The following ROR1 variants were observed in gnomAD, a reference collection of about 807,000 sequenced individuals.
The protein encoded by ROR1 is inactive tyrosine-protein kinase transmembrane receptor ROR1.
Under a neutral mutation model 78.8 loss-of-function variants are expected in ROR1, and 19 were observed. The observed-to-expected ratio is 0.24, with a 90% confidence interval of 0.17 to 0.35. ROR1 has a LOEUF of 0.35. ROR1 is among the 10% of genes least tolerant of loss of function. The probability of loss-of-function intolerance (pLI) is 1.00; values close to 1 mark genes in which losing one functional copy is unlikely to be tolerated. For synonymous variants in ROR1, 386 were observed against 433.6 expected (o/e 0.89, Z 1.36); for missense variants, 917 against 1,177.8 (o/e 0.78, Z 3.24).
chr1:64,024,308 C>T (rs981845342), intron 2 of ROR1, among the ~76,000 whole-genome samples: 3 of 151,962 alleles, frequency 2.0e-5, no homozygotes, highest in Non-Finnish European at 4.4e-5. Flanking sequence ...TGGTGAAACC[C>T]TGTCTGTACT....
At chr1:64,010,112 C>A (rs779118136) in intron 2 of ROR1, among the ~76,000 whole-genome samples, 13 of 152,134 alleles carry the variant, frequency 8.5e-5, no homozygotes, top group Non-Finnish European at 1.8e-4. Flanking sequence ...ATTGCCTTCT[C>A]TTCTTTGCCA....
At chr1:63,888,972 CT>C (rs1645375967) in intron 1 of ROR1, among the ~76,000 whole-genome samples, 1 of 152,132 alleles carries the variant, frequency 6.6e-6, no homozygotes, top group African/African-American at 2.4e-5. Flanking sequence ...CCACATGCAA[CT>C]TGGCTGAGTG....
At chr1:64,028,102 C>T (rs1646628888) in intron 2 of ROR1, among the ~76,000 whole-genome samples, 1 of 152,156 alleles carries the variant, frequency 6.6e-6, no homozygotes, top group African/African-American at 2.4e-5. Context: ...TGCCTCTCTT[C>T]TCTTACAAAT....
chr1:63,938,697 T>C (rs1300594705), intron 1 of ROR1, among the ~76,000 whole-genome samples: 1 of 152,246 alleles, frequency 6.6e-6, no homozygotes, highest in Non-Finnish European at 1.5e-5. Context: ...GTTTTAATTT[T>C]TAAAATTTGG....
At chr1:63,833,566 G>A (rs970610133) in intron 1 of ROR1, among the ~76,000 whole-genome samples, 4 of 152,198 alleles carry the variant, frequency 2.6e-5, no homozygotes, top group African/African-American at 9.6e-5. Context: ...GTCCCTGGGG[G>A]TGATGTGTTC....
intron 1 of ROR1, among the ~76,000 whole-genome samples, chr1:63,962,008 C>T (rs1646033483): frequency 6.6e-6 from 1 of 152,002 alleles, no homozygotes; most frequent in African/African-American, 2.4e-5. Context: ...ATAAAATTAC[C>T]CAGCACTTTG....
At chr1:64,050,598 T>G in intron 3 of ROR1, 88 bp from the exon 4 acceptor site, 2 of 1,288,104 alleles carry the variant, frequency 1.6e-6, no homozygotes, top group South Asian at 2.4e-5. Context: ...GGTTGAGAAC[T>G]TTAATTTGTA....
intron 7 of ROR1, among the ~76,000 whole-genome samples, chr1:64,157,955 A>G (rs1010459302): frequency 6.6e-6 from 1 of 152,174 alleles, no homozygotes; most frequent in African/African-American, 2.4e-5. Context: ...TTGAGTTTTC[A>G]CACTTTGAGT....
intron 1 of ROR1, among the ~76,000 whole-genome samples, chr1:63,969,815 A>C (rs1646105041): frequency 1.3e-5 from 2 of 151,738 alleles, no homozygotes; most frequent in Non-Finnish European, 2.9e-5. Flanking sequence ...CACATTCCAG[A>C]CAGATGAATC....
chr1:63,798,387 C>A (rs887951024), intron 1 of ROR1, among the ~76,000 whole-genome samples: 10 of 152,032 alleles, frequency 6.6e-5, no homozygotes, highest in African/African-American at 2.4e-4. Context: ...TAGAACAGGA[C>A]CAAGAGCCTG....
intron 1 of ROR1, among the ~76,000 whole-genome samples, chr1:63,889,153 C>T (rs1416503303): frequency 6.6e-6 from 1 of 152,064 alleles, no homozygotes; most frequent in Admixed American, 6.6e-5. Context: ...CCCAGTGAGT[C>T]ATATGACAGA....
intron 1 of ROR1, among the ~76,000 whole-genome samples, chr1:63,887,614 C>T (rs1195753713): frequency 6.6e-6 from 1 of 152,140 alleles, no homozygotes; most frequent in Non-Finnish European, 1.5e-5. Context: ...CTTCTATCAC[C>T]ATAGTTTATA....
At chr1:64,033,040 T>C (rs1468320206) in intron 2 of ROR1, among the ~76,000 whole-genome samples, 2 of 152,086 alleles carry the variant, frequency 1.3e-5, no homozygotes, top group Non-Finnish European at 2.9e-5. Flanking sequence ...TTGGGATGGA[T>C]GGTGGTGATG....
chr1:64,039,531 A>T (rs555193193), intron 2 of ROR1, among the ~76,000 whole-genome samples: 1 of 152,298 alleles, frequency 6.6e-6, no homozygotes, highest in East Asian at 1.9e-4. Context: ...ATACACACGG[A>T]CTTTGTCTTT....
chr1:63,819,704 A>G (rs1363598632), intron 1 of ROR1, among the ~76,000 whole-genome samples: 1 of 152,190 alleles, frequency 6.6e-6, no homozygotes, highest in African/African-American at 2.4e-5. Context: ...CTGGAACTTA[A>G]AGTTTCCTTC....
At chr1:64,138,681 T>A (rs1021338690) in intron 5 of ROR1, among the ~76,000 whole-genome samples, 4 of 151,882 alleles carry the variant, frequency 2.6e-5, no homozygotes, top group African/African-American at 9.7e-5. Flanking sequence ...GGAGGACTTT[T>A]TAACCAACCA....
chr1:63,810,100 G>C (rs1326600073), intron 1 of ROR1, among the ~76,000 whole-genome samples: 1 of 152,084 alleles, frequency 6.6e-6, no homozygotes, highest in Non-Finnish European at 1.5e-5. Context: ...GTCCTGCTCA[G>C]GAAAAATGTA....
chr1:64,020,305 G>A (rs1443426512), intron 2 of ROR1, among the ~76,000 whole-genome samples: 1 of 152,196 alleles, frequency 6.6e-6, no homozygotes, highest in Non-Finnish European at 1.5e-5. Flanking sequence ...AATATATTAT[G>A]TTGCCTTTAA....
intron 1 of ROR1, among the ~76,000 whole-genome samples, chr1:63,806,599 G>A (rs1214873837): frequency 6.6e-6 from 1 of 152,192 alleles, no homozygotes; most frequent in Non-Finnish European, 1.5e-5. Flanking sequence ...TTACAGGCGT[G>A]AGCCACCGCG....
Sources: allele counts gnomAD v4.1 joint callset (sites outside exome capture counted in the v4.1 genomes callset), GRCh38; gene constraint gnomAD v4.1.1; transcripts MANE v1.5; gene names NCBI Gene and HGNC (gene_info 2026-07-23, HGNC 2026-07-21).